SRPK2: variants seen among roughly 807,000 people sequenced by gnomAD.
SRPK2 encodes the protein SRSF protein kinase 2.
SRPK2 carries 21 observed loss-of-function variants against 90.8 expected under a neutral mutation model. That is an observed-to-expected ratio of 0.23 (90% CI 0.16 to 0.33). The LOEUF (loss-of-function observed/expected upper bound fraction) is 0.33, where lower values mean the gene tolerates loss of function less well. Ranked by LOEUF, SRPK2 falls within the 10% of genes least tolerant of loss-of-function variation. The pLI, the probability that SRPK2 is intolerant of heterozygous loss-of-function variation, is 1.00. For missense variants in SRPK2, 620 were observed against 869.0 expected, an observed-to-expected ratio of 0.71 and a Z score of 3.60; for synonymous variants, 288 against 311.1, an observed-to-expected ratio of 0.93 and a Z score of 0.78.
At chr7:105,301,181 C>A (rs1214600540) in intron 2 of SRPK2, among the ~76,000 whole-genome samples, 1 of 151,948 alleles carries the variant, frequency 6.6e-6, no homozygotes, top group Non-Finnish European at 1.5e-5. Context: ...CAGTGGCTCA[C>A]GCCTGTAATC....
chr7:105,222,884 GA>G (rs199672587), intron 2 of SRPK2, among the ~76,000 whole-genome samples: 40 of 149,970 alleles, frequency 2.7e-4, no homozygotes, highest in African/African-American at 6.8e-4. Context: ...TTTTACTGAT[GA>G]AAAAAAAACA....
At chr7:105,258,614 A>G (rs1054236964) in intron 2 of SRPK2, among the ~76,000 whole-genome samples, 3 of 152,164 alleles carry the variant, frequency 2.0e-5, no homozygotes, top group African/African-American at 7.2e-5. Flanking sequence ...TCCACGATGA[A>G]CACTGATGCG....
intron 1 of SRPK2, among the ~76,000 whole-genome samples, chr7:105,394,454 GTCTT>G (rs1195880346): frequency 6.6e-6 from 1 of 152,128 alleles, no homozygotes; most frequent in Non-Finnish European, 1.5e-5. Context: ...TGTGGCCAGA[GTCTT>G]TCACTTAGCC....
At chr7:105,393,459 C>CTTTTTTTTT (rs58162170), upstream of SRPK2, among the ~76,000 whole-genome samples, 2 of 81,210 alleles carry the variant, frequency 2.5e-5, no homozygotes, top group Admixed American at 1.3e-4. Flanking sequence ...TCTGGTTTTT[C>CTTTTTTTTT]TTTTTTTTTT....
rs143504727 is a variant in SRPK2, at chr7:105,352,553, T to C, written c.71+36095A>G. ...CCCACAGAAACTAAGATGATAAATG[T>C]TGCATTAAACCACTATGCTTCACAG... is the stretch of plus-strand genomic sequence containing the variant. On this transcript the variant is annotated intron_variant, in intron 2 of 15. Transcript: ENST00000393651. 2.3e-3 allele frequency among the ~76,000 whole-genome samples: 344 copies of C among 152,366 alleles called. 1 individual carries two copies. The highest frequency in any genetic ancestry group is 7.5e-3 in the African/African-American group (314 of 41,590).
chr7:105,172,365 G>A (rs1483868359), intron 3 of SRPK2, among the ~76,000 whole-genome samples: 1 of 152,208 alleles, frequency 6.6e-6, no homozygotes. Context: ...CAGGGGAGTA[G>A]GAAGGAAGAA....
At chr7:105,306,574 G>T (rs1180526590) in intron 2 of SRPK2, 1 of 424,094 alleles carries the variant, frequency 2.4e-6, no homozygotes, top group Non-Finnish European at 4.6e-6. Context: ...TACTCCACCT[G>T]AACAAAGAAA....
At position 105,175,462 on chromosome 7, in the gene SRPK2, C is replaced by T. The variant is rs528811167; in HGVS notation, c.230-6197G>A. ...TAATCTTAGTTTCCACCTTAGAAAA[C>T]TAAAAAAATAGCAAACTTAACCCAA... On this transcript the variant is annotated intron_variant, in intron 3 of 15. Transcript: ENST00000393651. Among the ~76,000 whole-genome samples, 29 of 151,670 alleles carry T rather than the reference C, an allele frequency of 1.9e-4. No homozygotes were observed. In the East Asian group the frequency reaches 5.6e-3, roughly 29 times the overall value.
At chr7:105,205,872 T>C (rs1796167109) in intron 2 of SRPK2, 5 of 512,588 alleles carry the variant, frequency 9.8e-6, no homozygotes, top group South Asian at 4.3e-5. Flanking sequence ...CTTTGAAAGC[T>C]AGCTGTTTCT....
intron 1 of SRPK2, among the ~76,000 whole-genome samples, chr7:105,398,626 A>G (rs527475326): frequency 6.6e-6 from 1 of 152,252 alleles, no homozygotes; most frequent in African/African-American, 2.4e-5. Context: ...CTCCTTTTAA[A>G]AGCACCTCCA....
intron 2 of SRPK2, among the ~76,000 whole-genome samples, chr7:105,360,692 C>T (rs758943864): frequency 6.6e-6 from 1 of 152,130 alleles, no homozygotes; most frequent in African/African-American, 2.4e-5. Flanking sequence ...TGAATACTGG[C>T]CCCCACTGTC....
chr7:105,276,631 AG>A (rs1024277924), intron 2 of SRPK2, among the ~76,000 whole-genome samples: 3 of 151,940 alleles, frequency 2.0e-5, no homozygotes, highest in African/African-American at 7.2e-5. Flanking sequence ...TCAGCTACTT[AG>A]GAGGCTGAGA....
chr7:105,126,842 G>T, intron 14 of SRPK2, 151 bp downstream of exon 14: 2 of 741,242 alleles, frequency 2.7e-6, no homozygotes, highest in Non-Finnish European at 4.5e-6. Context: ...CTGAGACTGA[G>T]GGGGCATCAA....
chr7:105,227,893 CAAAAAAAAAAA>C (rs566478716), intron 2 of SRPK2, among the ~76,000 whole-genome samples: 12 of 84,692 alleles, frequency 1.4e-4, no homozygotes, highest in African/African-American at 4.8e-4. Context: ...TATCATTCAG[CAAAAAAAAAAA>C]AAAAAAAAAA....
chr7:105,336,808 T>G (rs1815146229), intron 2 of SRPK2, among the ~76,000 whole-genome samples: 1 of 152,144 alleles, frequency 6.6e-6, no homozygotes, highest in South Asian at 2.1e-4. Context: ...GAGTTTCTGT[T>G]TTTTGTTTTT....
intron 4 of SRPK2, 85 bp downstream of exon 4, chr7:105,169,072 G>T: frequency 8.4e-7 from 1 of 1,187,580 alleles, no homozygotes; most frequent in East Asian, 2.4e-5. Flanking sequence ...CAACAAAGCA[G>T]TGGTGACCCT....
In SRPK2 at chr7:105,289,297, T is replaced by A. The variant is rs575807686; in HGVS notation, c.72-85512A>T. On this transcript the variant is annotated intron_variant, in intron 2 of 15. Transcript: ENST00000393651. The stretch of plus-strand genomic sequence containing the variant: ...TCAAAAAAAATAAATAAAAAAAAAA[T>A]AAAAAATAACTTCCTTCCAGTCACA... Among the ~76,000 whole-genome samples the A allele has an allele frequency of 5.3e-5, 8 of 151,108 alleles. No individual in the cohort carries two copies. The South Asian group carries it at 8.4e-4, about 16-fold the overall frequency.
At chr7:105,237,299 C>T (rs1021138271) in intron 2 of SRPK2, among the ~76,000 whole-genome samples, 5 of 152,198 alleles carry the variant, frequency 3.3e-5, no homozygotes, top group African/African-American at 1.2e-4. Context: ...TAACATCCTG[C>T]ATATTCCTAC....
chr7:105,179,545 C>T (rs920425687), intron 3 of SRPK2, among the ~76,000 whole-genome samples: 7 of 152,142 alleles, frequency 4.6e-5, no homozygotes, highest in Middle Eastern at 3.4e-3. Context: ...AATTAAAAGA[C>T]CAGGGATGGT....
Sources: allele counts gnomAD v4.1 joint callset (sites outside exome capture counted in the v4.1 genomes callset), GRCh38; gene constraint gnomAD v4.1.1; transcripts MANE v1.5; gene names NCBI Gene and HGNC (gene_info 2026-07-23, HGNC 2026-07-21).